LCOR: variants seen among roughly 807,000 people sequenced by gnomAD.
The protein encoded by LCOR is ligand dependent nuclear receptor corepressor.
LCOR carries 14 observed loss-of-function variants against 64.4 expected under a neutral mutation model. The observed-to-expected ratio is 0.22, with a 90% CI of 0.14 to 0.34. The LOEUF (loss-of-function observed/expected upper bound fraction) is 0.34, where lower values mean the gene tolerates loss of function less well. LCOR is among the 10% of genes least tolerant of loss of function. The probability of loss-of-function intolerance (pLI) is 1.00; values close to 1 mark genes in which losing one functional copy is unlikely to be tolerated. For missense variants in LCOR, 1,686 were observed against 1,765.3 expected, an observed-to-expected ratio of 0.96 and a Z score of 0.80; for synonymous variants, 643 against 642.5, an observed-to-expected ratio of 1.00 and a Z score of -0.01.
rs751260761 is a variant in LCOR, at chr10:96,952,207, A to T, written c.332+11A>T. ...TACTCAAGGGAACGGGTAAGGGAGA[A>T]TATTTGTAGCCTTACACAGTTTCAT... On this transcript the variant is annotated intron_variant, in intron 7 of 7. Coordinates refer to ENST00000421806, the MANE Select transcript of LCOR (RefSeq NM_001346516.2). The T allele has an allele frequency of 6.4e-7, 1 of 1,574,456 alleles. No individual in the cohort carries two copies. Among genetic ancestry groups the T allele is most frequent in the South Asian group, 1.1e-5 (1 of 90,122 alleles).
chr10:96,948,857 C>T (rs1482144644), intron 5 of LCOR, among the ~76,000 whole-genome samples, 151 bp from the exon 6 acceptor site: 1 of 151,902 alleles, frequency 6.6e-6, no homozygotes. Context: ...ATAGACAACT[C>T]AAAAGCTTAG....
chr10:96,919,080 G>A (rs1233464314), intron 4 of LCOR, among the ~76,000 whole-genome samples: 2 of 152,298 alleles, frequency 1.3e-5, no homozygotes, highest in African/African-American at 4.8e-5. Context: ...AAACCATGAG[G>A]CAGTTGAAAT....
At chr10:96,941,214 C>T (rs1486476789) in intron 4 of LCOR, among the ~76,000 whole-genome samples, 41 of 120,488 alleles carry the variant, frequency 3.4e-4, no homozygotes, top group African/African-American at 7.0e-4. Context: ...CCCTCCCGGA[C>T]GGGGCGGCTG....
chr10:96,968,650 T>C (rs577006569), intron 7 of LCOR, among the ~76,000 whole-genome samples: 1 of 152,262 alleles, frequency 6.6e-6, no homozygotes, highest in African/African-American at 2.4e-5. Context: ...TTGATGGGCC[T>C]GAGTTTAAAT....
intron 2 of LCOR, among the ~76,000 whole-genome samples, chr10:96,867,297 T>C (rs993046937): frequency 2.0e-5 from 3 of 152,180 alleles, no homozygotes; most frequent in African/African-American, 4.8e-5. Context: ...CCGGACAGTC[T>C]TTTCTGTTTT....
intron 4 of LCOR, among the ~76,000 whole-genome samples, chr10:96,910,789 A>T (rs146639398): frequency 9.5e-4 from 144 of 152,326 alleles, no homozygotes; most frequent in African/African-American, 3.2e-3. Context: ...AGCACTTAGA[A>T]ATATTGACCT....
intron 2 of LCOR, among the ~76,000 whole-genome samples, chr10:96,907,038 T>C (rs1418369453): frequency 2.0e-5 from 3 of 152,202 alleles, no homozygotes; most frequent in African/African-American, 7.2e-5. Context: ...TTCATTGGTC[T>C]TGTTCTTGAA....
intron 7 of LCOR, chr10:96,956,284 A>T: frequency 4.0e-6 from 4 of 997,002 alleles, no homozygotes; most frequent in Non-Finnish European, 4.8e-6. Flanking sequence ...TTTACTTTTT[A>T]AAAAAGAAGA....
intron 7 of LCOR, chr10:96,963,771 A>G (rs910639181): frequency 1.5e-4 from 23 of 152,202 alleles, no homozygotes; most frequent in African/African-American, 5.1e-4. Flanking sequence ...CTGCAGTACT[A>G]TCTGTGGTTA....
intron 2 of LCOR, among the ~76,000 whole-genome samples, chr10:96,885,856 G>A (rs546688892): frequency 1.5e-4 from 23 of 152,096 alleles, no homozygotes; most frequent in Admixed American, 3.9e-4. Context: ...AGGGTGCCCC[G>A]TTTTAATATT....
At chr10:96,894,587 C>T (rs186770641) in intron 2 of LCOR, among the ~76,000 whole-genome samples, 1 of 152,298 alleles carries the variant, frequency 6.6e-6, no homozygotes, top group East Asian at 1.9e-4. Flanking sequence ...CAGGGGAGAA[C>T]TATTAAGAAT....
chr10:96,943,734 ATT>A (rs200048149), intron 4 of LCOR, among the ~76,000 whole-genome samples: 1 of 148,924 alleles, frequency 6.7e-6, no homozygotes. Flanking sequence ...TTCAAAAAAA[ATT>A]TTTTTTTTGG....
chr10:96,957,888 C>T (rs1768595773), intron 7 of LCOR: 1 of 986,024 alleles, frequency 1.0e-6, no homozygotes, highest in South Asian at 4.7e-5. Flanking sequence ...GCTTTCTAGA[C>T]TTCTTAACAG....
In LCOR at chr10:96,949,189, G is replaced by A. The variant is rs199619146; in HGVS notation, c.132G>A (p.Thr44=). The change falls in exon 6 of 8, where the codon ACG becomes ACA. Residue 44 remains threonine (T), a synonymous_variant. Coordinates refer to ENST00000421806, the MANE Select transcript of LCOR (RefSeq NM_001346516.2). ...PKASPVTTSP[T]AATTQNPVLS... ...CATCTCCAGTCACCACCTCTCCCACGGCTGCAACTACTCAGAACCCTGTGC... is the reference window on the plus strand; with the variant it reads ...CATCTCCAGTCACCACCTCTCCCACAGCTGCAACTACTCAGAACCCTGTGC... 20 of 1,613,888 alleles carry A rather than the reference G, an allele frequency of 1.2e-5. No individual in the cohort carries two copies. The highest frequency in any genetic ancestry group is 1.4e-5 in the Non-Finnish European group (17 of 1,179,994).
intron 4 of LCOR, among the ~76,000 whole-genome samples, chr10:96,914,226 C>T (rs934089966): frequency 3.9e-5 from 6 of 152,128 alleles, no homozygotes; most frequent in African/African-American, 4.8e-5. Flanking sequence ...GACGGAGCCT[C>T]GCTCTTGTTG....
intron 2 of LCOR, among the ~76,000 whole-genome samples, chr10:96,849,015 T>TC (rs1270095482): frequency 6.7e-6 from 1 of 150,074 alleles, no homozygotes; most frequent in Non-Finnish European, 1.5e-5. Context: ...GAAAATGTTT[T>TC]TTTTTTTTTT....
chr10:96,843,994 G>A (rs1363127669), intron 2 of LCOR, among the ~76,000 whole-genome samples: 1 of 152,142 alleles, frequency 6.6e-6, no homozygotes, highest in Non-Finnish European at 1.5e-5. Flanking sequence ...CAGATTTAGG[G>A]AGATTACAGA....
At chr10:96,920,652 G>T (rs12777911) in intron 4 of LCOR, among the ~76,000 whole-genome samples, 18 of 134,468 alleles carry the variant, frequency 1.3e-4, no homozygotes, top group African/African-American at 4.7e-4. Context: ...GTGTATATAT[G>T]TGTATATATG....
At chr10:96,955,147 G>A (rs1257920758) in intron 7 of LCOR, 2 of 1,614,076 alleles carry the variant, frequency 1.2e-6, no homozygotes, top group Admixed American at 3.3e-5. Flanking sequence ...GCCAGCCTTG[G>A]GCCATCTGGA....
Sources: allele counts gnomAD v4.1 joint callset (sites outside exome capture counted in the v4.1 genomes callset), GRCh38; gene constraint gnomAD v4.1.1; transcripts MANE v1.5; gene names NCBI Gene and HGNC (gene_info 2026-07-23, HGNC 2026-07-21).